The following TC2N variants were observed in gnomAD, a reference collection of about 807,000 sequenced individuals.
TC2N encodes the protein tandem C2 domains, nuclear, also known as tandem C2 domains nuclear protein.
In TC2N, 51 loss-of-function variants were observed where a neutral mutation model predicts 61.9. The observed-to-expected ratio is 0.82, with a 90% CI of 0.66 to 1.04. TC2N has a LOEUF of 1.04. Among genes scored for constraint, TC2N ranks in the 50% least tolerant of loss-of-function variants. The pLI, the probability that TC2N is intolerant of heterozygous loss-of-function variation, is 0.00. For synonymous variants in TC2N, 204 were observed against 192.6 expected, an observed-to-expected ratio of 1.06 and a Z score of -0.49; for missense variants, 556 against 566.7, an observed-to-expected ratio of 0.98 and a Z score of 0.19.
intron 1 of TC2N, among the ~76,000 whole-genome samples, chr14:91,827,213 G>A (rs1887540810): frequency 6.6e-6 from 1 of 152,016 alleles, no homozygotes; most frequent in Non-Finnish European, 1.5e-5. Flanking sequence ...CCAATAGCTT[G>A]GATATTGTAT....
At chr14:91,789,085 AT>A (rs1017335570) in intron 9 of TC2N, among the ~76,000 whole-genome samples, 1 of 152,136 alleles carries the variant, frequency 6.6e-6, no homozygotes, top group Non-Finnish European at 1.5e-5. Context: ...TTTTTTTATT[AT>A]TTTTTATTAC....
chr14:91,813,559 G>A, intron 2 of TC2N, 144 bp downstream of exon 2: 2 of 591,186 alleles, frequency 3.4e-6, no homozygotes, highest in Non-Finnish European at 6.1e-6. Flanking sequence ...CAGACTACTT[G>A]AAGTTATGGA....
chr14:91,863,773 G>A (rs979598876), intron 1 of TC2N, among the ~76,000 whole-genome samples: 2 of 144,792 alleles, frequency 1.4e-5, no homozygotes, highest in South Asian at 2.2e-4. Flanking sequence ...ATCACTTGAC[G>A]CCAGGAGCTC....
At chr14:91,789,440 A>G (rs1260441175) in intron 9 of TC2N, among the ~76,000 whole-genome samples, 3 of 151,432 alleles carry the variant, frequency 2.0e-5, no homozygotes, top group Non-Finnish European at 4.4e-5. Context: ...AAAAAAAAAA[A>G]AAGAAGAAGA....
intron 1 of TC2N, among the ~76,000 whole-genome samples, chr14:91,815,133 T>C (rs1025388901): frequency 8.6e-5 from 13 of 151,538 alleles, no homozygotes; most frequent in Non-Finnish European, 1.3e-4. Flanking sequence ...TAAAGGAAAG[T>C]TTATTCATTA....
At chr14:91,827,540 C>T (rs1174212949) in intron 1 of TC2N, among the ~76,000 whole-genome samples, 1 of 152,158 alleles carries the variant, frequency 6.6e-6, no homozygotes, top group East Asian at 1.9e-4. Context: ...CTCCTACAAT[C>T]TCTCTTTCAT....
At position 91,859,628 on chromosome 14, in the gene TC2N, A is replaced by G. The variant is rs1002994648; in HGVS notation, c.-57+7634T>C. Among the ~76,000 whole-genome samples, 10 of 152,320 alleles carry G rather than the reference A, an allele frequency of 6.6e-5. No individual in the cohort carries two copies. In the East Asian group the frequency reaches 1.2e-3, roughly 18 times the overall value. On this transcript the variant is annotated intron_variant, in intron 1 of 11. Coordinates refer to ENST00000435962, the MANE Select transcript of TC2N (RefSeq NM_001128596.3). ...AGTTTGCATTTAGAACCCCAGGTGG[A>G]AACTACACCACAGGGGCACTGGTAA... is the stretch of plus-strand genomic sequence containing the variant.
rs1452049552 is a variant in TC2N, at chr14:91,799,068, T to G, written c.562-4A>C. On this transcript the variant is annotated splice_region_variant and splice_polypyrimidine_tract_variant and intron_variant, in intron 5 of 11. Transcript: ENST00000435962. The stretch of plus-strand genomic sequence containing the variant: ...CACTGGACAATGAATCATGTCTCTA[T>G]AAATAAAATTATTCTTTAGTCAGAA... 6.4e-7 allele frequency: 1 copy of G among 1,561,048 alleles called. No individual in the cohort carries two copies. Among genetic ancestry groups the G allele is most frequent in the South Asian group, 1.2e-5 (1 of 84,218 alleles).
intron 9 of TC2N, 63 bp from the exon 10 acceptor site, chr14:91,787,690 T>A (rs1885434774): frequency 1.1e-6 from 1 of 949,618 alleles, no homozygotes; most frequent in Non-Finnish European, 1.6e-6. Flanking sequence ...ATTCAAAAAT[T>A]AAAAGATAAA....
chr14:91,824,240 G>A (rs1430619992), intron 1 of TC2N, among the ~76,000 whole-genome samples: 1 of 152,148 alleles, frequency 6.6e-6, no homozygotes, highest in African/African-American at 2.4e-5. Context: ...GTAAATGTCT[G>A]AAAAAGCAGG....
At chr14:91,854,334 CGAG>C (rs909386637) in intron 1 of TC2N, among the ~76,000 whole-genome samples, 2 of 147,678 alleles carry the variant, frequency 1.4e-5, no homozygotes, top group African/African-American at 5.0e-5. Context: ...TAGAAATGTA[CGAG>C]GATAAGAAAT....
intron 1 of TC2N, among the ~76,000 whole-genome samples, chr14:91,858,232 A>G (rs977148882): frequency 1.3e-5 from 2 of 150,014 alleles, no homozygotes; most frequent in African/African-American, 4.9e-5. Flanking sequence ...GCCTCAAGCA[A>G]TTACCTGCCT....
chr14:91,840,264 T>A (rs1159600052), intron 1 of TC2N, among the ~76,000 whole-genome samples: 4 of 152,234 alleles, frequency 2.6e-5, no homozygotes, highest in Non-Finnish European at 5.9e-5. Flanking sequence ...GGTTTTTTTC[T>A]AACACCTGGA....
intron 3 of TC2N, among the ~76,000 whole-genome samples, chr14:91,809,903 G>C (rs1320531944): frequency 6.6e-6 from 1 of 152,186 alleles, no homozygotes; most frequent in African/African-American, 2.4e-5. Flanking sequence ...TGGTAGGAGG[G>C]AGGAAGAAAG....
intron 1 of TC2N, among the ~76,000 whole-genome samples, chr14:91,832,159 C>A (rs1171000657): frequency 6.6e-6 from 1 of 152,040 alleles, no homozygotes; most frequent in Non-Finnish European, 1.5e-5. Context: ...GAGACTGAGG[C>A]AGGTGGATCA....
At chr14:91,816,066 T>C (rs1267711746) in intron 1 of TC2N, among the ~76,000 whole-genome samples, 2 of 151,802 alleles carry the variant, frequency 1.3e-5, no homozygotes, top group Non-Finnish European at 3.0e-5. Context: ...CTTTTGTTAT[T>C]AGAAGTAGTG....
At chr14:91,785,855 A>G (rs939407513) in intron 10 of TC2N, among the ~76,000 whole-genome samples, 1 of 152,266 alleles carries the variant, frequency 6.6e-6, no homozygotes. Flanking sequence ...CTTCCCATAA[A>G]CAACTATTAT....
chr14:91,846,607 A>C (rs1888275748), intron 1 of TC2N, among the ~76,000 whole-genome samples: 1 of 152,244 alleles, frequency 6.6e-6, no homozygotes, highest in Non-Finnish European at 1.5e-5. Flanking sequence ...TGCCCTGTGG[A>C]GCATCCTCGC....
At chr14:91,828,909 C>T (rs934920396) in intron 1 of TC2N, among the ~76,000 whole-genome samples, 2 of 151,830 alleles carry the variant, frequency 1.3e-5, no homozygotes, top group Non-Finnish European at 2.9e-5. Flanking sequence ...CCCTGTATTA[C>T]TCTCATTCTT....
Sources: allele counts gnomAD v4.1 joint callset (sites outside exome capture counted in the v4.1 genomes callset), GRCh38; gene constraint gnomAD v4.1.1; transcripts MANE v1.5; gene names NCBI Gene and HGNC (gene_info 2026-07-23, HGNC 2026-07-21).